The following PFKFB3 variants were observed in gnomAD, a reference collection of about 807,000 sequenced individuals.
The protein encoded by PFKFB3 is 6-phosphofructo-2-kinase/fructose-2,6-biphosphatase 3.
PFKFB3 carries 33 observed loss-of-function variants against 68.0 expected under a neutral mutation model. The ratio of observed to expected loss-of-function variants is 0.49; its 90% CI spans 0.37 to 0.65. The LOEUF (loss-of-function observed/expected upper bound fraction) is 0.65. Ranked by LOEUF, PFKFB3 falls within the 30% of genes least tolerant of loss-of-function variation. The pLI is 0.00. For missense variants in PFKFB3, 586 were observed against 712.2 expected (o/e 0.82, Z 2.02); for synonymous variants, 315 against 288.2 (o/e 1.09, Z -0.94).
At chr10:6,177,438 C>CTCTTTCTTTCTTTCCTTCTT (rs1554842948) in intron 1 of PFKFB3, among the ~76,000 whole-genome samples, 5 of 86,718 alleles carry the variant, frequency 5.8e-5, no homozygotes, top group African/African-American at 1.7e-4. Context: ...TCTTTTCTTT[C>CTCTTTCTTTCTTTCCTTCTT]TCTTTCTTTC....
At chr10:6,156,818 G>A (rs1021794276) in intron 1 of PFKFB3, among the ~76,000 whole-genome samples, 6 of 152,158 alleles carry the variant, frequency 3.9e-5, no homozygotes, top group East Asian at 4.0e-4. Flanking sequence ...TGGGCTGGGC[G>A]TGGTGACTCA....
At chr10:6,317,300 T>C in the PFKFB3 span, among the ~76,000 whole-genome samples, 1 of 152,328 alleles carries the variant, frequency 6.6e-6, no homozygotes, top group African/African-American at 2.4e-5. Flanking sequence ...GCATTCTCTC[T>C]CAATTATCCT....
chr10:6,177,709 G>A (rs373954593), intron 1 of PFKFB3, among the ~76,000 whole-genome samples: 45 of 151,912 alleles, frequency 3.0e-4, no homozygotes, highest in African/African-American at 9.6e-4. Context: ...TTTGTATTTA[G>A]TAGAGACGGG....
chr10:6,278,167 C>T, the PFKFB3 span, among the ~76,000 whole-genome samples: 8 of 152,036 alleles, frequency 5.3e-5, no homozygotes, highest in Non-Finnish European at 7.4e-5. Context: ...CCGCCTGCCT[C>T]GGCCTCCCAA....
intron 1 of PFKFB3, among the ~76,000 whole-genome samples, chr10:6,149,015 G>C (rs562533656): frequency 6.6e-6 from 1 of 152,282 alleles, no homozygotes; most frequent in African/African-American, 2.4e-5. Context: ...GGAGTTCAAG[G>C]CTGCAGTGAG....
downstream of PFKFB3, among the ~76,000 whole-genome samples, chr10:6,255,521 T>A (rs989790900): frequency 6.6e-6 from 1 of 152,232 alleles, no homozygotes; most frequent in Non-Finnish European, 1.5e-5. Context: ...CAAGATATAT[T>A]TTCGGGGAAG....
chr10:6,174,835 T>A (rs79416379), intron 1 of PFKFB3, among the ~76,000 whole-genome samples: 11 of 131,040 alleles, frequency 8.4e-5, no homozygotes, highest in East Asian at 2.1e-4. Context: ...TTTTTTTTTT[T>A]AATACGGAGT....
At chr10:6,199,314 G>A (rs1310192591), upstream of PFKFB3, among the ~76,000 whole-genome samples, 2 of 152,114 alleles carry the variant, frequency 1.3e-5, no homozygotes, top group East Asian at 1.9e-4. Context: ...GGTTGCTTGT[G>A]TTTGTTGTTA....
downstream of PFKFB3, among the ~76,000 whole-genome samples, chr10:6,257,809 G>T (rs867590555): frequency 6.6e-5 from 10 of 152,126 alleles, no homozygotes; most frequent in Non-Finnish European, 1.3e-4. Flanking sequence ...AACAAGTCAG[G>T]ATGTAATTTC....
Position 6,219,574 on chromosome 10 carries a change from T to C in PFKFB3, c.504T>C (p.Val168=), listed in dbSNP as rs201048797. Residue 168 remains valine (V), a synonymous_variant, in exon 7 of 15, where the codon GTT becomes GTC. Transcript: ENST00000379775. ...PTVVASNIME[V]KISSPDYKDC... The stretch of plus-strand genomic sequence containing the variant: ...ACCCCTTTGTGGTGTTGCAGGAAGT[T>C]AAAATCTCCAGCCCGGATTACAAAG... The C allele has an allele frequency of 6.2e-7, 1 of 1,614,016 alleles. No individual in the cohort carries two copies. Among genetic ancestry groups the C allele is most frequent in the South Asian group, 1.1e-5 (1 of 91,076 alleles).
chr10:6,193,357 A>AAAAAC (rs966196551), intron 1 of PFKFB3, among the ~76,000 whole-genome samples: 5 of 152,252 alleles, frequency 3.3e-5, no homozygotes, highest in South Asian at 2.1e-4. Flanking sequence ...CCTGTCTCAA[A>AAAAAC]AAAACAAAAC....
intron 1 of PFKFB3, 123 bp downstream of exon 1, chr10:6,203,459 G>C (rs1273195399): frequency 6.5e-6 from 3 of 459,680 alleles, no homozygotes; most frequent in African/African-American, 6.4e-5. Flanking sequence ...GCGCCGGCGG[G>C]GCGGGGCGGA....
chr10:6,146,151 G>A (rs1452373891), intron 1 of PFKFB3: 6 of 869,638 alleles, frequency 6.9e-6, no homozygotes, highest in Non-Finnish European at 8.3e-6. Context: ...TGTGGGGGGA[G>A]CCTGGCCTCC....
At chr10:6,208,788 G>A (rs1294719504) in intron 1 of PFKFB3, among the ~76,000 whole-genome samples, 2 of 152,140 alleles carry the variant, frequency 1.3e-5, no homozygotes, top group Admixed American at 6.5e-5. Context: ...GCCTCTCACT[G>A]TCCAGGTGGG....
rs1014002244 is a variant in PFKFB3 at position 6,229,038 on chromosome 10, GC to G, written c.1515+2680del. The stretch of plus-strand genomic sequence containing the variant: ...CAGCCACATGAAGTGTCATCCCCTT[GC>G]CCCCCCAAAAACACACCCGCCCCTT... On this transcript the variant is annotated intron_variant, in intron 14 of 14. Transcript: ENST00000379775. The surrounding 1 kb of genome is among the most constrained non-coding windows in gnomAD (Gnocchi z 4.3). 5 of 481,208 alleles carry G rather than the reference GC, an allele frequency of 1.0e-5. No individual in the cohort carries two copies. The highest frequency in any genetic ancestry group is 5.9e-5 in the African/African-American group (3 of 50,502). The allele number at this position is 481,208 out of a possible 1,614,324, so 29.8% of individuals were successfully genotyped here. A position where few individuals can be genotyped will look rare whatever the true frequency, so the allele number is the denominator to read the frequency against.
chr10:6,200,855 T>C, upstream of PFKFB3, among the ~76,000 whole-genome samples: 1 of 152,196 alleles, frequency 6.6e-6, no homozygotes, highest in East Asian at 1.9e-4. Context: ...ATCAACTCCC[T>C]GTGCCCTAAG....
chr10:6,206,658 G>A (rs1259571917), intron 1 of PFKFB3, among the ~76,000 whole-genome samples: 3 of 151,612 alleles, frequency 2.0e-5, no homozygotes, highest in African/African-American at 4.9e-5. Flanking sequence ...GGGCGGCGGG[G>A]CAGAGACGCT....
At chr10:6,244,422 C>T (rs1293416242) in intron 14 of PFKFB3, among the ~76,000 whole-genome samples, 9 of 152,190 alleles carry the variant, frequency 5.9e-5, no homozygotes, top group Admixed American at 3.3e-4. Flanking sequence ...TCTGGACCAA[C>T]TTGGCTGCTC....
downstream of PFKFB3, among the ~76,000 whole-genome samples, chr10:6,256,782 C>T (rs771298557): frequency 3.3e-4 from 51 of 152,290 alleles, no homozygotes; most frequent in African/African-American, 1.2e-3. Flanking sequence ...ATGTTCAAAT[C>T]GACCCATGGG....
Sources: gnomAD v4.1 joint callset for allele counts (sites outside exome capture counted in the v4.1 genomes callset) on GRCh38, gnomAD v4.1.1 for gene constraint, Gnocchi (gnomAD v3.1) non-coding constraint, MANE v1.5 for transcripts, NCBI Gene and HGNC (gene_info 2026-07-23, HGNC 2026-07-21) for gene names.